EBF1: variants seen among roughly 807,000 people sequenced by gnomAD.
EBF1 encodes EBF transcription factor 1.
A neutral mutation model predicts 68.4 loss-of-function variants in EBF1; 10 were observed. That is an observed-to-expected ratio of 0.15 (90% confidence interval 0.09 to 0.25). The LOEUF (loss-of-function observed/expected upper bound fraction) is 0.25, where lower values mean the gene tolerates loss of function less well. Ranked by LOEUF, EBF1 falls within the 10% of genes least tolerant of loss-of-function variation. EBF1 has a pLI of 1.00. For missense variants in EBF1, 509 were observed against 794.4 expected, an observed-to-expected ratio of 0.64 and a Z score of 4.32; for synonymous variants, 298 against 299.8, an observed-to-expected ratio of 0.99 and a Z score of 0.06.
chr5:158,710,568 C>T (rs1025497467), intron 14 of EBF1, among the ~76,000 whole-genome samples: 1 of 152,104 alleles, frequency 6.6e-6, no homozygotes, highest in African/African-American at 2.4e-5. Flanking sequence ...ATAATATATG[C>T]AGATTATTTG....
chr5:158,899,048 C>G (rs1201725912), intron 6 of EBF1, among the ~76,000 whole-genome samples: 1 of 152,182 alleles, frequency 6.6e-6, no homozygotes, highest in Non-Finnish European at 1.5e-5. Context: ...TACTGTTCCC[C>G]ATATTGTTGA....
chr5:158,707,881 G>T (rs1758216222), intron 15 of EBF1, 98 bp downstream of exon 15: 3 of 1,375,746 alleles, frequency 2.2e-6, no homozygotes, highest in African/African-American at 1.4e-5. Flanking sequence ...AGGGCCCAAG[G>T]CTGATACCCT....
intron 6 of EBF1, among the ~76,000 whole-genome samples, chr5:158,840,645 G>GTTTTTTTTTTGTTTTTTT (rs1790045327): frequency 1.5e-5 from 1 of 64,780 alleles, no homozygotes. Flanking sequence ...AATACCTCCT[G>GTTTTTTTTTTGTTTTTTT]TTTTTTTTTT....
chr5:158,849,742 T>C (rs1792254876), intron 6 of EBF1, among the ~76,000 whole-genome samples: 1 of 152,234 alleles, frequency 6.6e-6, no homozygotes, highest in Non-Finnish European at 1.5e-5. Flanking sequence ...ATTATTTCTT[T>C]CTTCTATATT....
chr5:159,085,896 C>A (rs1324183129), intron 4 of EBF1, among the ~76,000 whole-genome samples: 2 of 151,994 alleles, frequency 1.3e-5, no homozygotes, highest in Non-Finnish European at 2.9e-5. Flanking sequence ...ATATAACTTG[C>A]GACCCAGTGT....
rs182010451 is a variant in EBF1, at chr5:158,892,253, C to T, written c.555-52143G>A. 1.2e-3 allele frequency among the ~76,000 whole-genome samples: 178 copies of T among 152,290 alleles called. 1 individual carries two copies. The highest frequency in any genetic ancestry group is 3.9e-3 in the African/African-American group (161 of 41,556). On this transcript the variant is annotated intron_variant, in intron 6 of 15. Transcript: ENST00000313708. ...CCTGTAATCCCATCACTTTAGGAGGCTGAGGCAGGCGGATCACTTGAGATC... is the reference window on the plus strand; with the variant it reads ...CCTGTAATCCCATCACTTTAGGAGGTTGAGGCAGGCGGATCACTTGAGATC...
At chr5:158,727,137 T>G (rs1763157762) in intron 11 of EBF1, among the ~76,000 whole-genome samples, 1 of 152,214 alleles carries the variant, frequency 6.6e-6, no homozygotes, top group Admixed American at 6.5e-5. Flanking sequence ...GAGAGCCCAC[T>G]CTCTTGGCCT....
chr5:159,097,312 C>G (rs1321227239), intron 1 of EBF1, among the ~76,000 whole-genome samples, 182 bp from the exon 2 acceptor site: 1 of 152,270 alleles, frequency 6.6e-6, no homozygotes, highest in Non-Finnish European at 1.5e-5. Flanking sequence ...CACATGTCCC[C>G]TCATGTCCTC....
chr5:159,053,613 A>T (rs1774217051), intron 6 of EBF1, among the ~76,000 whole-genome samples: 1 of 151,464 alleles, frequency 6.6e-6, no homozygotes, highest in Non-Finnish European at 1.5e-5. Context: ...TCTCACACAC[A>T]CACACACACA....
chr5:158,708,518 T>C (rs1184305703), intron 14 of EBF1, among the ~76,000 whole-genome samples: 1 of 152,178 alleles, frequency 6.6e-6, no homozygotes, highest in Non-Finnish European at 1.5e-5. Flanking sequence ...CGAGTGCCTT[T>C]ATGGGGCAGA....
intron 3 of EBF1, 32 bp downstream of exon 3, chr5:159,096,311 G>A (rs368133444): frequency 6.2e-7 from 1 of 1,607,312 alleles, no homozygotes; most frequent in Non-Finnish European, 8.5e-7. Flanking sequence ...CGGAGCCCCA[G>A]GGTGAGGCCA....
intron 6 of EBF1, among the ~76,000 whole-genome samples, chr5:159,011,047 C>T (rs535016891): frequency 6.6e-6 from 1 of 152,202 alleles, no homozygotes; most frequent in Non-Finnish European, 1.5e-5. Flanking sequence ...GAGCCCTGCT[C>T]CCTTTCCTTT....
intron 9 of EBF1, among the ~76,000 whole-genome samples, chr5:158,794,865 T>C (rs1244539772): frequency 6.6e-6 from 1 of 152,116 alleles, no homozygotes; most frequent in Admixed American, 6.5e-5. Flanking sequence ...CAACAAAACA[T>C]AGAGTACAGT....
At chr5:158,769,817 T>G (rs918652739) in intron 10 of EBF1, among the ~76,000 whole-genome samples, 2 of 152,140 alleles carry the variant, frequency 1.3e-5, no homozygotes, top group Non-Finnish European at 2.9e-5. Flanking sequence ...CTTTTCTTTG[T>G]GTGTAAATGG....
chr5:158,933,163 A>C (rs1487131740), intron 6 of EBF1, among the ~76,000 whole-genome samples: 3 of 152,172 alleles, frequency 2.0e-5, no homozygotes, highest in African/African-American at 4.8e-5. Flanking sequence ...AAAACTAAAA[A>C]TTCAAAGCAA....
At chr5:158,783,616 G>T (rs1433238373) in intron 9 of EBF1, among the ~76,000 whole-genome samples, 1 of 152,200 alleles carries the variant, frequency 6.6e-6, no homozygotes, top group Non-Finnish European at 1.5e-5. Flanking sequence ...TAAGCTGCCT[G>T]TGTGAGCATT....
At chr5:158,916,585 T>C (rs950154646) in intron 6 of EBF1, among the ~76,000 whole-genome samples, 1 of 152,144 alleles carries the variant, frequency 6.6e-6, no homozygotes, top group Non-Finnish European at 1.5e-5. Context: ...CTCAGAAAGA[T>C]TAAGTACCTA....
chr5:159,070,936 A>T (rs921769541), intron 6 of EBF1, among the ~76,000 whole-genome samples: 1 of 152,216 alleles, frequency 6.6e-6, no homozygotes, highest in African/African-American at 2.4e-5. Flanking sequence ...GGAAACTATG[A>T]AATTCAAACA....
At chr5:158,895,694 C>A (rs540817812) in intron 6 of EBF1, among the ~76,000 whole-genome samples, 18 of 152,234 alleles carry the variant, frequency 1.2e-4, no homozygotes, top group African/African-American at 4.3e-4. Flanking sequence ...GAGGAGTGAC[C>A]TGGCCAAAGG....
Sources: gnomAD v4.1 joint callset for allele counts (sites outside exome capture counted in the v4.1 genomes callset) on GRCh38, gnomAD v4.1.1 for gene constraint, MANE v1.5 for transcripts, NCBI Gene and HGNC (gene_info 2026-07-23, HGNC 2026-07-21) for gene names.